LDB2: variants seen among roughly 807,000 people sequenced by gnomAD.
The protein encoded by LDB2 is LIM domain binding 2.
In LDB2, 12 loss-of-function variants were observed where a neutral mutation model predicts 44.3. The observed-to-expected ratio is 0.27, with a 90% confidence interval of 0.17 to 0.44. The LOEUF (loss-of-function observed/expected upper bound fraction) is 0.44. Ranked by LOEUF, LDB2 falls within the 20% of genes least tolerant of loss-of-function variation. The probability of loss-of-function intolerance (pLI) is 1.00; values close to 1 mark genes in which losing one functional copy is unlikely to be tolerated. For missense variants in LDB2, 344 were observed against 473.5 expected (o/e 0.73, Z 2.54); for synonymous variants, 164 against 174.8 (o/e 0.94, Z 0.49).
At chr4:16,672,897 TC>T (rs200881922) in intron 2 of LDB2, among the ~76,000 whole-genome samples, 1,985 of 149,912 alleles carry the variant, frequency 0.013, 40 homozygotes, top group African/African-American at 0.047. Context: ...TTTTTTTCCT[TC>T]CCCCTCTCCT....
chr4:16,515,687 C>T (rs1397501475), intron 5 of LDB2, among the ~76,000 whole-genome samples: 1 of 152,032 alleles, frequency 6.6e-6, no homozygotes, highest in African/African-American at 2.4e-5. Context: ...GTATTTAAAA[C>T]AGTTAAAAAT....
intron 5 of LDB2, among the ~76,000 whole-genome samples, chr4:16,559,194 G>C (rs1741044972): frequency 6.6e-6 from 1 of 152,214 alleles, no homozygotes; most frequent in South Asian, 2.1e-4. Context: ...ATAATGACAG[G>C]ATCAAATTCA....
chr4:16,699,891 AGTAGGG>A (rs375414734), intron 2 of LDB2, among the ~76,000 whole-genome samples: 31 of 152,320 alleles, frequency 2.0e-4, no homozygotes, highest in African/African-American at 7.5e-4. Context: ...ACGCATGTAC[AGTAGGG>A]GGGCCAGATT....
intron 1 of LDB2, among the ~76,000 whole-genome samples, chr4:16,767,531 G>A (rs193285725): frequency 6.6e-6 from 1 of 152,274 alleles, no homozygotes; most frequent in African/African-American, 2.4e-5. Context: ...CCAACAGACA[G>A]CTACTTCCAA....
At chr4:16,630,155 A>T (rs1365325956) in intron 2 of LDB2, among the ~76,000 whole-genome samples, 1 of 152,224 alleles carries the variant, frequency 6.6e-6, no homozygotes, top group East Asian at 1.9e-4. Context: ...CCAAGGTGGA[A>T]ATGAAGGAAA....
At chr4:16,813,914 C>T (rs548968505) in intron 1 of LDB2, among the ~76,000 whole-genome samples, 5 of 151,504 alleles carry the variant, frequency 3.3e-5, no homozygotes, top group Non-Finnish European at 5.9e-5. Context: ...CTCTGTCGCC[C>T]AGGCTGGAGT....
At chr4:16,594,179 A>G (rs957117220) in intron 3 of LDB2, among the ~76,000 whole-genome samples, 1 of 152,132 alleles carries the variant, frequency 6.6e-6, no homozygotes, top group Non-Finnish European at 1.5e-5. Context: ...AAAAGAAAAA[A>G]AAAACCAATA....
intron 2 of LDB2, among the ~76,000 whole-genome samples, chr4:16,703,745 G>A (rs1754001627): frequency 6.6e-6 from 1 of 152,130 alleles, no homozygotes; most frequent in Non-Finnish European, 1.5e-5. Flanking sequence ...AGCATTTAGT[G>A]TATGGCCAAT....
intron 1 of LDB2, among the ~76,000 whole-genome samples, chr4:16,868,315 T>C (rs1715369424): frequency 6.6e-6 from 1 of 152,176 alleles, no homozygotes; most frequent in South Asian, 2.1e-4. Flanking sequence ...CTCAAAAACT[T>C]TTTTATTGTT....
chr4:16,580,642 C>T (rs1049116869), intron 5 of LDB2, among the ~76,000 whole-genome samples: 13 of 152,312 alleles, frequency 8.5e-5, no homozygotes, highest in African/African-American at 2.9e-4. Flanking sequence ...AAGCAGACTA[C>T]CCCAAATCAT....
At chr4:16,712,798 A>T (rs1366153509) in intron 2 of LDB2, among the ~76,000 whole-genome samples, 1 of 152,176 alleles carries the variant, frequency 6.6e-6, no homozygotes, top group East Asian at 1.9e-4. Context: ...ACATTTTGGA[A>T]GCTCCTCAAA....
At chr4:16,561,965 G>A (rs1019753112) in intron 5 of LDB2, among the ~76,000 whole-genome samples, 2 of 152,158 alleles carry the variant, frequency 1.3e-5, no homozygotes, top group African/African-American at 2.4e-5. Context: ...ACAAGCAATG[G>A]GGAAAGGATT....
At chr4:16,624,331 A>C (rs2152485379) in intron 2 of LDB2, among the ~76,000 whole-genome samples, 1 of 152,300 alleles carries the variant, frequency 6.6e-6, no homozygotes, top group East Asian at 1.9e-4. Flanking sequence ...TCCTGGGCTC[A>C]AGCAATACAC....
chr4:16,691,258 A>G (rs929754876), intron 2 of LDB2, among the ~76,000 whole-genome samples: 10 of 152,176 alleles, frequency 6.6e-5, no homozygotes, highest in African/African-American at 2.4e-4. Flanking sequence ...AAAAGGTAGT[A>G]CTTACCCTTT....
At chr4:16,884,509 A>G (rs1256471409) in intron 1 of LDB2, among the ~76,000 whole-genome samples, 1 of 152,072 alleles carries the variant, frequency 6.6e-6, no homozygotes, top group Non-Finnish European at 1.5e-5. Flanking sequence ...CAGTGTCAAA[A>G]TCTTCACCCT....
At chr4:16,700,021 G>A (rs1217997521) in intron 2 of LDB2, among the ~76,000 whole-genome samples, 1 of 152,158 alleles carries the variant, frequency 6.6e-6, no homozygotes, top group Non-Finnish European at 1.5e-5. Context: ...TAGGATGTCA[G>A]ATTTTTTTTC....
intron 7 of LDB2, chr4:16,503,105 C>T (rs975513331): frequency 1.3e-6 from 2 of 1,536,576 alleles, no homozygotes; most frequent in African/African-American, 2.7e-5. Flanking sequence ...CGCAGCCTGA[C>T]ACTGGAGAAC....
intron 2 of LDB2, among the ~76,000 whole-genome samples, chr4:16,705,414 G>A (rs1298772041): frequency 6.6e-6 from 1 of 152,138 alleles, no homozygotes; most frequent in African/African-American, 2.4e-5. Flanking sequence ...CCTGTTCTGA[G>A]CTGATGTCTC....
At chr4:16,506,020 C>G (rs1378719932) in intron 7 of LDB2, 5 of 1,544,308 alleles carry the variant, frequency 3.2e-6, no homozygotes, top group Non-Finnish European at 4.4e-6. Flanking sequence ...AAGGATTAAA[C>G]CCTAGCCCTC....
Sources: gnomAD v4.1 joint callset for allele counts (sites outside exome capture counted in the v4.1 genomes callset) on GRCh38, gnomAD v4.1.1 for gene constraint, MANE v1.5 for transcripts, NCBI Gene and HGNC (gene_info 2026-07-23, HGNC 2026-07-21) for gene names.